The following PTPRN2 variants were observed in gnomAD, a reference collection of about 807,000 sequenced individuals.
The protein encoded by PTPRN2 is receptor-type tyrosine-protein phosphatase N2.
Under a neutral mutation model 118.8 loss-of-function variants are expected in PTPRN2, and 74 were observed. The ratio of observed to expected loss-of-function variants is 0.62; its 90% CI spans 0.52 to 0.76. PTPRN2 has a LOEUF of 0.76. Ranked by LOEUF, PTPRN2 falls within the 30% of genes least tolerant of loss-of-function variation. PTPRN2 has a pLI of 0.00. For synonymous variants in PTPRN2, 641 were observed against 608.0 expected (o/e 1.05, Z -0.80); for missense variants, 1,481 against 1,394.4 (o/e 1.06, Z -0.99).
rs60857421 is a variant in PTPRN2 at position 157,682,386 on chromosome 7, C to T, written c.2001+339G>A. Among the ~76,000 whole-genome samples the T allele has an allele frequency of 1.8e-4, 27 of 152,302 alleles. No homozygotes were observed. In the East Asian group the frequency reaches 3.3e-3, roughly 19 times the overall value. On this transcript the variant is annotated intron_variant, in intron 13 of 22. Coordinates refer to ENST00000389418, the MANE Select transcript of PTPRN2 (RefSeq NM_002847.5). The stretch of plus-strand genomic sequence containing the variant: ...CAAACACCTACACGCCAAATGATCT[C>T]GCAACTCTGGCACTTTTCAGTAGTA...
intron 11 of PTPRN2, among the ~76,000 whole-genome samples, chr7:158,076,280 C>T (rs1812350144): frequency 6.6e-6 from 1 of 152,226 alleles, no homozygotes; most frequent in Admixed American, 6.5e-5. Flanking sequence ...CGGGCCCCAC[C>T]AGTGCACAGC....
At chr7:158,212,188 GAAC>G (rs1367749844) in intron 3 of PTPRN2, among the ~76,000 whole-genome samples, 3 of 151,832 alleles carry the variant, frequency 2.0e-5, no homozygotes, top group Admixed American at 6.6e-5. Flanking sequence ...ATAGAGAGTA[GAAC>G]AACAGCTACC....
chr7:158,505,455 A>G (rs1422462638), intron 1 of PTPRN2, among the ~76,000 whole-genome samples: 2 of 152,190 alleles, frequency 1.3e-5, no homozygotes, highest in East Asian at 3.9e-4. Context: ...ATCATGCACA[A>G]TGGAACACCT....
chr7:157,593,251 T>G lies in PTPRN2; in HGVS notation c.2496+1987A>C, dbSNP rs112615952. Reference sequence around the variant, plus strand: ...GGGTGGATGTGGGCATCATCATGGTTGTTGCGCGTGGACACCGAGAGCCTT... The same window carrying G: ...GGGTGGATGTGGGCATCATCATGGTGGTTGCGCGTGGACACCGAGAGCCTT... On this transcript the variant is annotated intron_variant, in intron 17 of 22. Coordinates refer to ENST00000389418, the MANE Select transcript of PTPRN2 (RefSeq NM_002847.5). Among the ~76,000 whole-genome samples, 10 of 127,550 alleles carry G rather than the reference T, an allele frequency of 7.8e-5. No homozygotes were observed. In the East Asian group the frequency reaches 2.2e-3, roughly 28 times the overall value. 83.7% of individuals were successfully genotyped at this position (127,550 alleles called of 152,430 possible).
chr7:158,546,649 C>T lies in PTPRN2; in HGVS notation c.112+40909G>A, dbSNP rs1826301610. 6.6e-6 allele frequency among the ~76,000 whole-genome samples: 1 copy of T among 152,198 alleles called. No homozygotes were observed. Among genetic ancestry groups the T allele is most frequent in the Non-Finnish European group, 1.5e-5 (1 of 68,028 alleles). ...GACAGACGCCACCTCTCCCGAGTAG[C>T]AGGTGGGTGACTACAGAGGTGCTCT... On this transcript the variant is annotated intron_variant, in intron 1 of 22. Coordinates refer to ENST00000389418, the MANE Select transcript of PTPRN2 (RefSeq NM_002847.5). The surrounding 1 kb of genome is among the most constrained non-coding windows in gnomAD (Gnocchi z 5.0).
chr7:157,959,015 G>C (rs1036779414), intron 11 of PTPRN2, among the ~76,000 whole-genome samples: 12 of 152,322 alleles, frequency 7.9e-5, no homozygotes, highest in African/African-American at 2.9e-4. Flanking sequence ...AAACAGCATG[G>C]TCCTGGCAGA....
intron 10 of PTPRN2, among the ~76,000 whole-genome samples, chr7:158,106,552 G>A (rs1030757899): frequency 6.6e-6 from 1 of 152,198 alleles, no homozygotes; most frequent in Non-Finnish European, 1.5e-5. Flanking sequence ...CTGCTCAGAA[G>A]TGTGCCACTT....
intron 12 of PTPRN2, chr7:157,865,013 G>A (rs1458835400): frequency 6.6e-6 from 1 of 152,380 alleles, no homozygotes; most frequent in African/African-American, 2.4e-5. Flanking sequence ...GTGCCACATA[G>A]GCCCAAATCC....
chr7:158,371,782 A>G (rs1345880978), intron 2 of PTPRN2, among the ~76,000 whole-genome samples: 2 of 152,262 alleles, frequency 1.3e-5, no homozygotes, highest in East Asian at 3.8e-4. Flanking sequence ...GGAATTTCCA[A>G]CCGTAGGTGA....
chr7:158,311,299 T>C (rs1801708865), intron 3 of PTPRN2, among the ~76,000 whole-genome samples: 1 of 152,232 alleles, frequency 6.6e-6, no homozygotes, highest in African/African-American at 2.4e-5. Flanking sequence ...TTTATGTACA[T>C]ATTTGGTTTT....
chr7:158,467,148 G>A (rs117091211), intron 2 of PTPRN2, among the ~76,000 whole-genome samples: 1 of 152,274 alleles, frequency 6.6e-6, no homozygotes, highest in Non-Finnish European at 1.5e-5. Context: ...TCTGATGTGC[G>A]TTTCCAATGA....
At chr7:158,131,379 C>CAT (rs1818264371) in intron 9 of PTPRN2, among the ~76,000 whole-genome samples, 2 of 95,886 alleles carry the variant, frequency 2.1e-5, no homozygotes, top group African/African-American at 8.5e-5. Flanking sequence ...CCGACACACA[C>CAT]ACTCATACAC....
At position 158,071,086 on chromosome 7, in the gene PTPRN2, C is replaced by T. The variant is rs1328379432; in HGVS notation, c.1723+10212G>A. Among the ~76,000 whole-genome samples, 16 of 51,220 alleles carry T rather than the reference C, an allele frequency of 3.1e-4. 1 individual carries two copies. The highest frequency in any genetic ancestry group is 4.5e-4 in the Non-Finnish European group (13 of 29,174). 33.6% of individuals were successfully genotyped at this position (51,220 alleles called of 152,430 possible). On this transcript the variant is annotated intron_variant, in intron 11 of 22. Transcript: ENST00000389418. ...AGGTGCTCGTGGTGGTGGAGGTGCC[C>T]GTGGTGGTGGAGGTGCTCGTGGTGG...
intron 3 of PTPRN2, among the ~76,000 whole-genome samples, chr7:158,250,012 A>G (rs1347833514): frequency 6.6e-6 from 1 of 152,090 alleles, no homozygotes; most frequent in Admixed American, 6.6e-5. Flanking sequence ...GTGGATGCAC[A>G]ACACACACAC....
chr7:157,692,894 C>T (rs1797581365), intron 12 of PTPRN2, among the ~76,000 whole-genome samples: 2 of 152,072 alleles, frequency 1.3e-5, no homozygotes, highest in African/African-American at 4.8e-5. Context: ...AAGCGGTACT[C>T]GGGTTCCCCC....
Position 158,022,334 on chromosome 7 carries a change from A to G in PTPRN2, c.1723+58964T>C, listed in dbSNP as rs925610169. ...CTGACGGCCTCCACCACGAGACTTC[A>G]GGTCATCCTTTAATGAGGGCCCAAG... On this transcript the variant is annotated intron_variant, in intron 11 of 22. Transcript: ENST00000389418. The surrounding 1 kb of genome is among the most constrained non-coding windows in gnomAD (Gnocchi z 4.6). Among the ~76,000 whole-genome samples, 3 of 152,104 alleles carry G rather than the reference A, an allele frequency of 2.0e-5. No individual in the cohort carries two copies. Among genetic ancestry groups the G allele is most frequent in the African/African-American group, 7.2e-5 (3 of 41,450 alleles).
chr7:157,671,504 C>G lies in PTPRN2; in HGVS notation c.2001+11221G>C, dbSNP rs375224795. On this transcript the variant is annotated intron_variant, in intron 13 of 22. Coordinates refer to ENST00000389418, the MANE Select transcript of PTPRN2 (RefSeq NM_002847.5). This position sits in a 1 kb window ranked among gnomAD's most constrained non-coding sequence, Gnocchi z 4.1. The stretch of plus-strand genomic sequence containing the variant: ...CACAGGGCTGGACAGATGGGAGGGT[C>G]TGCAGGGATAAAGTGGGAGGGGGGG... Among the ~76,000 whole-genome samples the G allele has an allele frequency of 5.3e-5, 8 of 150,900 alleles. No individual in the cohort carries two copies. The highest frequency in any genetic ancestry group is 1.7e-4 in the African/African-American group (7 of 40,596).
At chr7:157,875,332 G>A (rs1383873832) in intron 12 of PTPRN2, among the ~76,000 whole-genome samples, 1 of 152,196 alleles carries the variant, frequency 6.6e-6, no homozygotes, top group African/African-American at 2.4e-5. Context: ...CCGAGGGAGC[G>A]CGTGAGGGCT....
chr7:158,388,518 C>T (rs1237879426), intron 2 of PTPRN2, among the ~76,000 whole-genome samples: 4 of 152,232 alleles, frequency 2.6e-5, no homozygotes, highest in Admixed American at 1.3e-4. Flanking sequence ...GAGGGACGCA[C>T]GGGGCAGGGT....
Sources: gnomAD v4.1 joint callset for allele counts (sites outside exome capture counted in the v4.1 genomes callset) on GRCh38, gnomAD v4.1.1 for gene constraint, Gnocchi (gnomAD v3.1) non-coding constraint, MANE v1.5 for transcripts, NCBI Gene and HGNC (gene_info 2026-07-23, HGNC 2026-07-21) for gene names.